The following ATE1 variants were observed in gnomAD, a reference collection of about 807,000 sequenced individuals.
ATE1 encodes the protein arginyl-tRNA--protein transferase 1.
In ATE1, 36 loss-of-function variants were observed where a neutral mutation model predicts 70.5. The observed-to-expected ratio is 0.51, with a 90% confidence interval of 0.39 to 0.67. The LOEUF (loss-of-function observed/expected upper bound fraction) is 0.67, where lower values mean the gene tolerates loss of function less well. Ranked by LOEUF, ATE1 falls within the 30% of genes least tolerant of loss-of-function variation. ATE1 has a pLI of 0.00. For synonymous variants in ATE1, 232 were observed against 219.3 expected, an observed-to-expected ratio of 1.06 and a Z score of -0.51; for missense variants, 593 against 629.5, an observed-to-expected ratio of 0.94 and a Z score of 0.62.
At chr10:121,802,582 T>G (rs1345118914) in intron 10 of ATE1, among the ~76,000 whole-genome samples, 1 of 152,144 alleles carries the variant, frequency 6.6e-6, no homozygotes, top group African/African-American at 2.4e-5. Context: ...GTGCTGGGAT[T>G]ACAGGCGTGA....
chr10:121,912,982 C>T (rs1468641103), intron 4 of ATE1, among the ~76,000 whole-genome samples: 2 of 152,002 alleles, frequency 1.3e-5, no homozygotes, highest in African/African-American at 2.4e-5. Flanking sequence ...CAGGTTCAAG[C>T]GATTCTCCTG....
At chr10:121,767,928 G>A (rs772442803) in intron 11 of ATE1, among the ~76,000 whole-genome samples, 4 of 152,156 alleles carry the variant, frequency 2.6e-5, no homozygotes, top group African/African-American at 9.7e-5. Flanking sequence ...TACACCCATG[G>A]TCATAGCAGC....
intron 11 of ATE1, among the ~76,000 whole-genome samples, chr10:121,780,904 ACTGT>A (rs1376864297): frequency 6.6e-6 from 1 of 152,164 alleles, no homozygotes; most frequent in Non-Finnish European, 1.5e-5. Flanking sequence ...GTGCTTGATA[ACTGT>A]CTGTCATCAC....
rs189635505 is a variant in ATE1 at position 121,885,387 on chromosome 10, G to A, written c.942+14479C>T. Among the ~76,000 whole-genome samples, 250 of 151,194 alleles carry A rather than the reference G, an allele frequency of 1.7e-3. 6 individuals are homozygous for A. The highest frequency in any genetic ancestry group is 0.015 in the Admixed American group (231 of 15,144). On this transcript the variant is annotated intron_variant, in intron 7 of 11. Coordinates refer to ENST00000224652, the MANE Select transcript of ATE1 (RefSeq NM_001001976.3). ...GATCGAGACCATCCTGGCTAACACGGTGAAACTCCATCTCTACTAAAAAAC... is the reference window on the plus strand; with the variant it reads ...GATCGAGACCATCCTGGCTAACACGATGAAACTCCATCTCTACTAAAAAAC...
intron 10 of ATE1, among the ~76,000 whole-genome samples, chr10:121,798,277 T>C (rs1054156980): frequency 5.3e-5 from 8 of 152,232 alleles, no homozygotes; most frequent in Admixed American, 5.2e-4. Flanking sequence ...TAAGAGTTAC[T>C]GAAATTAAAA....
intron 1 of ATE1, chr10:121,926,867 A>C: frequency 1.0e-6 from 1 of 984,992 alleles, no homozygotes; most frequent in South Asian, 4.7e-5. Context: ...TAGTCTTCAT[A>C]ATCCTCACTT....
At chr10:121,928,094 G>C (rs1321750011), upstream of ATE1, 4 of 1,214,398 alleles carry the variant, frequency 3.3e-6, no homozygotes, top group Middle Eastern at 3.3e-4. Flanking sequence ...GGCCGGCCCG[G>C]CGCCTCTTGG....
chr10:121,776,519 G>T (rs1467470317), intron 11 of ATE1, among the ~76,000 whole-genome samples: 1 of 152,144 alleles, frequency 6.6e-6, no homozygotes, highest in African/African-American at 2.4e-5. Context: ...AGAATTCATG[G>T]CAGAACTGGA....
chr10:121,873,868 T>G (rs1354724977), intron 7 of ATE1, among the ~76,000 whole-genome samples: 1 of 152,152 alleles, frequency 6.6e-6, no homozygotes, highest in Non-Finnish European at 1.5e-5. Flanking sequence ...AAAGGCATTT[T>G]TTACAAAGAT....
At chr10:121,841,632 TGAG>T (rs1948632521) in intron 8 of ATE1, among the ~76,000 whole-genome samples, 1 of 152,176 alleles carries the variant, frequency 6.6e-6, no homozygotes, top group Non-Finnish European at 1.5e-5. Context: ...TGGATAGAGT[TGAG>T]GACCATTATT....
intron 10 of ATE1, among the ~76,000 whole-genome samples, chr10:121,793,728 C>T (rs1946544589): frequency 6.6e-6 from 1 of 151,788 alleles, no homozygotes; most frequent in African/African-American, 2.4e-5. Flanking sequence ...TATATTAAGC[C>T]CTTGGTTTGT....
intron 10 of ATE1, among the ~76,000 whole-genome samples, chr10:121,814,458 T>C (rs1590370581): frequency 6.6e-6 from 1 of 152,304 alleles, no homozygotes; most frequent in Admixed American, 6.5e-5. Context: ...TGGAGGAAGC[T>C]GGTGACGATG....
At chr10:121,867,096 T>C (rs1949690768) in intron 8 of ATE1, among the ~76,000 whole-genome samples, 1 of 152,168 alleles carries the variant, frequency 6.6e-6, no homozygotes, top group African/African-American at 2.4e-5. Flanking sequence ...CTACTCTCAG[T>C]CTTAGCCCCA....
At chr10:121,915,217 T>C (rs564261653) in intron 3 of ATE1, among the ~76,000 whole-genome samples, 19 of 152,190 alleles carry the variant, frequency 1.2e-4, no homozygotes, top group East Asian at 9.7e-4. Flanking sequence ...CAAGGTGTTA[T>C]TAAATAAACA....
Position 121,906,071 on chromosome 10 carries a change from A to C in ATE1, c.584-3451T>G, listed in dbSNP as rs554507431. 3.9e-5 allele frequency among the ~76,000 whole-genome samples: 6 copies of C among 152,288 alleles called. No homozygotes were observed. In the East Asian group the frequency reaches 1.2e-3, roughly 29 times the overall value. ...CATAATTTCTAATTAAGTCCAAGGG[A>C]ATAGATTTGTAATATTTTTTAAATT... On this transcript the variant is annotated intron_variant, in intron 5 of 11. Coordinates refer to ENST00000224652, the MANE Select transcript of ATE1 (RefSeq NM_001001976.3).
At chr10:121,890,220 A>T (rs1360956782) in intron 7 of ATE1, among the ~76,000 whole-genome samples, 5 of 152,258 alleles carry the variant, frequency 3.3e-5, no homozygotes, top group Non-Finnish European at 5.9e-5. Flanking sequence ...ACAAAATGTA[A>T]TAAACTTTGA....
intron 10 of ATE1, among the ~76,000 whole-genome samples, chr10:121,796,430 TCAC>T (rs1946661563): frequency 6.6e-6 from 1 of 152,168 alleles, no homozygotes; most frequent in African/African-American, 2.4e-5. Context: ...ATTCCTGACT[TCAC>T]CAAACGATTT....
At chr10:121,916,405 TTTGA>T (rs1345851311) in intron 3 of ATE1, among the ~76,000 whole-genome samples, 30 of 152,102 alleles carry the variant, frequency 2.0e-4, no homozygotes, top group Non-Finnish European at 4.1e-4. Context: ...CAAACTAAAG[TTTGA>T]GCAGTGAATC....
chr10:121,819,163 A>G (rs1398546052), intron 10 of ATE1, among the ~76,000 whole-genome samples: 1 of 152,234 alleles, frequency 6.6e-6, no homozygotes, highest in East Asian at 1.9e-4. Flanking sequence ...ATCACTTAAA[A>G]GTTGAATGAA....
Sources: allele counts gnomAD v4.1 joint callset (sites outside exome capture counted in the v4.1 genomes callset), GRCh38; gene constraint gnomAD v4.1.1; transcripts MANE v1.5; gene names NCBI Gene and HGNC (gene_info 2026-07-23, HGNC 2026-07-21).